Variants in FBXL7 observed in about 807,000 individuals in gnomAD.
FBXL7 encodes the protein F-box and leucine rich repeat protein 7.
FBXL7 carries 12 observed loss-of-function variants against 38.3 expected under a neutral mutation model. The ratio of observed to expected loss-of-function variants is 0.31; its 90% confidence interval spans 0.20 to 0.51. FBXL7 has a LOEUF of 0.51. Ranked by LOEUF, FBXL7 falls within the 20% of genes least tolerant of loss-of-function variation. The probability of loss-of-function intolerance (pLI) is 0.98; values close to 1 mark genes in which losing one functional copy is unlikely to be tolerated. For missense variants in FBXL7, 567 were observed against 676.4 expected (o/e 0.84, Z 1.79); for synonymous variants, 297 against 300.9 (o/e 0.99, Z 0.13).
chr5:15,552,343 C>G (rs1301517327), intron 1 of FBXL7, among the ~76,000 whole-genome samples: 1 of 152,146 alleles, frequency 6.6e-6, no homozygotes, highest in African/African-American at 2.4e-5. Flanking sequence ...AGTCACTGAC[C>G]ACTGGACACC....
At chr5:15,642,151 A>G (rs892989439) in intron 2 of FBXL7, among the ~76,000 whole-genome samples, 3 of 152,132 alleles carry the variant, frequency 2.0e-5, no homozygotes, top group African/African-American at 2.4e-5. Flanking sequence ...CTTCCAAGAA[A>G]TCTCAGGGAC....
At chr5:15,570,715 G>T (rs566663869) in intron 1 of FBXL7, among the ~76,000 whole-genome samples, 1 of 152,276 alleles carries the variant, frequency 6.6e-6, no homozygotes, top group African/African-American at 2.4e-5. Context: ...CTCCACACAC[G>T]GCTCGGCCTG....
chr5:15,512,412 T>C (rs1736823889), intron 1 of FBXL7, among the ~76,000 whole-genome samples: 1 of 152,320 alleles, frequency 6.6e-6, no homozygotes, highest in African/African-American at 2.4e-5. Flanking sequence ...CTCCTCACAC[T>C]GTAGGTCTTC....
At chr5:15,801,742 T>C (rs1333091819) in intron 2 of FBXL7, among the ~76,000 whole-genome samples, 7 of 151,918 alleles carry the variant, frequency 4.6e-5, no homozygotes, top group African/African-American at 1.7e-4. Flanking sequence ...TTTGGCTGTC[T>C]TCTCTGAAAG....
At chr5:15,755,908 C>A (rs368999146) in intron 2 of FBXL7, among the ~76,000 whole-genome samples, 152 of 152,316 alleles carry the variant, frequency 1.0e-3, no homozygotes, top group African/African-American at 3.4e-3. Context: ...CAACTGCTCC[C>A]AGTTCTCCAT....
At chr5:15,748,734 G>A (rs749818830) in intron 2 of FBXL7, among the ~76,000 whole-genome samples, 6 of 152,074 alleles carry the variant, frequency 3.9e-5, no homozygotes, top group Admixed American at 2.0e-4. Flanking sequence ...ATAGGGTCTC[G>A]CTCTGTCATC....
rs754515944 is a variant in FBXL7 at position 15,679,962 on chromosome 5, C to T, written c.127+63890C>T. ...TTATTTCCATTTCATAAACATTTGG[C>T]CAAATTTTCTCTCTAAATGGTTGCT... On this transcript the variant is annotated intron_variant, in intron 2 of 3. Coordinates refer to ENST00000504595, the MANE Select transcript of FBXL7 (RefSeq NM_012304.5). Among the ~76,000 whole-genome samples the T allele has an allele frequency of 2.0e-5, 3 of 152,248 alleles. No individual in the cohort carries two copies. In the Middle Eastern group the frequency reaches 0.01, roughly 518 times the overall value.
chr5:15,844,602 G>GA (rs1462939875), intron 2 of FBXL7, among the ~76,000 whole-genome samples: 1 of 152,202 alleles, frequency 6.6e-6, no homozygotes, highest in Non-Finnish European at 1.5e-5. Context: ...TGAATGGTCA[G>GA]AAGTCAGGAA....
chr5:15,813,224 A>G (rs1737916703), intron 2 of FBXL7, among the ~76,000 whole-genome samples: 1 of 152,162 alleles, frequency 6.6e-6, no homozygotes, highest in African/African-American at 2.4e-5. Flanking sequence ...GTACCAAAAC[A>G]GATATACAGA....
chr5:15,814,651 G>T (rs1737963090), intron 2 of FBXL7, among the ~76,000 whole-genome samples: 2 of 151,854 alleles, frequency 1.3e-5, no homozygotes. Flanking sequence ...TTTTTTTAAT[G>T]GTAGAATTTA....
intron 2 of FBXL7, among the ~76,000 whole-genome samples, chr5:15,694,992 CA>C (rs1250438875): frequency 3.9e-5 from 6 of 152,094 alleles, no homozygotes; most frequent in African/African-American, 1.4e-4. Context: ...AGAGCTTTAA[CA>C]AGAGCATTTA....
chr5:15,673,821 G>A (rs531025523), intron 2 of FBXL7, among the ~76,000 whole-genome samples: 7 of 151,856 alleles, frequency 4.6e-5, no homozygotes, highest in Admixed American at 1.3e-4. Context: ...TTAAAGAACA[G>A]GGGTCTTCTG....
At chr5:15,776,651 CT>C (rs1324242058) in intron 2 of FBXL7, among the ~76,000 whole-genome samples, 3 of 152,178 alleles carry the variant, frequency 2.0e-5, no homozygotes, top group Non-Finnish European at 4.4e-5. Flanking sequence ...AAAATTCGCA[CT>C]TTTTTTGGTA....
At chr5:15,849,834 C>G (rs1408489202) in intron 2 of FBXL7, among the ~76,000 whole-genome samples, 1 of 152,186 alleles carries the variant, frequency 6.6e-6, no homozygotes, top group Non-Finnish European at 1.5e-5. Flanking sequence ...TCATTAAAAT[C>G]TTTTAGCTTC....
chr5:15,609,443 T>G (rs1740147761), intron 1 of FBXL7, among the ~76,000 whole-genome samples: 1 of 152,204 alleles, frequency 6.6e-6, no homozygotes, highest in Non-Finnish European at 1.5e-5. Flanking sequence ...TTTGTGAGTG[T>G]CTTTTGTGAG....
chr5:15,512,306 C>T (rs749745597), intron 1 of FBXL7, among the ~76,000 whole-genome samples: 2 of 152,128 alleles, frequency 1.3e-5, no homozygotes, highest in Non-Finnish European at 2.9e-5. Flanking sequence ...ATTCACTATC[C>T]TCTAGTTTAA....
At chr5:15,895,897 G>C (rs924686578) in intron 2 of FBXL7, among the ~76,000 whole-genome samples, 13 of 151,786 alleles carry the variant, frequency 8.6e-5, no homozygotes, top group Non-Finnish European at 2.9e-5. Context: ...ACCTTCCTCA[G>C]CCTCCCAAAG....
At chr5:15,774,552 G>A (rs896423954) in intron 2 of FBXL7, among the ~76,000 whole-genome samples, 4 of 152,196 alleles carry the variant, frequency 2.6e-5, no homozygotes, top group Non-Finnish European at 5.9e-5. Flanking sequence ...ACCTTTGAGA[G>A]TGGCATATTC....
intron 1 of FBXL7, among the ~76,000 whole-genome samples, chr5:15,564,851 C>T (rs778839592): frequency 2.6e-5 from 4 of 151,926 alleles, no homozygotes; most frequent in Non-Finnish European, 5.9e-5. Context: ...TTGGCTCCTG[C>T]GCTAATGATG....
Sources: gnomAD v4.1 joint callset for allele counts (sites outside exome capture counted in the v4.1 genomes callset) on GRCh38, gnomAD v4.1.1 for gene constraint, MANE v1.5 for transcripts, NCBI Gene and HGNC (gene_info 2026-07-23, HGNC 2026-07-21) for gene names.